The following CNTNAP2 variants were observed in gnomAD, a reference collection of about 807,000 sequenced individuals.
The protein encoded by CNTNAP2 is contactin-associated protein-like 2.
CNTNAP2 carries 98 observed loss-of-function variants against 155.2 expected under a neutral mutation model. That is an observed-to-expected ratio of 0.63 (90% CI 0.54 to 0.75). The LOEUF is 0.75. Ranked by LOEUF, CNTNAP2 falls within the 30% of genes least tolerant of loss-of-function variation. The pLI is 0.00. For missense variants in CNTNAP2, 1,727 were observed against 1,688.1 expected, an observed-to-expected ratio of 1.02 and a Z score of -0.40; for synonymous variants, 651 against 631.2, an observed-to-expected ratio of 1.03 and a Z score of -0.47.
intron 17 of CNTNAP2, among the ~76,000 whole-genome samples, chr7:148,151,969 GC>G: frequency 6.6e-6 from 1 of 152,176 alleles, no homozygotes; most frequent in South Asian, 2.1e-4. Flanking sequence ...TGACAGAATG[GC>G]CCAAGAGCTC....
chr7:148,177,560 A>T (rs934261278), intron 18 of CNTNAP2, among the ~76,000 whole-genome samples: 1 of 152,232 alleles, frequency 6.6e-6, no homozygotes, highest in African/African-American at 2.4e-5. Context: ...CTTAACAAGG[A>T]TAGCAGCTGG....
intron 14 of CNTNAP2, among the ~76,000 whole-genome samples, chr7:147,911,765 T>C (rs1208312866): frequency 1.3e-5 from 2 of 152,234 alleles, no homozygotes; most frequent in African/African-American, 4.8e-5. Context: ...TTTGCCTATT[T>C]TGTAGCATGT....
intron 4 of CNTNAP2, among the ~76,000 whole-genome samples, chr7:147,083,603 TA>T (rs1314257125): frequency 1.4e-5 from 2 of 145,850 alleles, no homozygotes; most frequent in African/African-American, 5.0e-5. Flanking sequence ...CACACGTCTA[TA>T]ATGCTATATA....
chr7:147,602,210 A>T (rs1800962128), intron 12 of CNTNAP2, among the ~76,000 whole-genome samples: 1 of 152,044 alleles, frequency 6.6e-6, no homozygotes, highest in Non-Finnish European at 1.5e-5. Flanking sequence ...GTTGAACTAG[A>T]TGATTATCCT....
In CNTNAP2 at chr7:148,339,974, AGTGTGTGTGTGTGT is replaced by A. The variant is rs10603520; in HGVS notation, c.3476-43652_3476-43639del. ...AGAATCTGAGAGTGCTCCTTCGTGC[AGTGTGTGTGTGTGT>A]GTGTGTGTGTGTGTGTGTGTGTAGG... On this transcript the variant is annotated intron_variant, in intron 21 of 23. Transcript: ENST00000361727. Among the ~76,000 whole-genome samples, 16 of 144,882 alleles carry A rather than the reference AGTGTGTGTGTGTGT, an allele frequency of 1.1e-4. No individual in the cohort carries two copies. In the South Asian group the frequency reaches 1.6e-3, roughly 15 times the overall value.
chr7:147,150,644 C>G lies in CNTNAP2; in HGVS notation c.1348+18135C>G, dbSNP rs543091491. On this transcript the variant is annotated intron_variant, in intron 8 of 23. Coordinates refer to ENST00000361727, the MANE Select transcript of CNTNAP2 (RefSeq NM_014141.6). ...TAGATAGAGAAAACCTAGGCTAATG[C>G]TCTTTGAAAACTGAAAAATATTGTT... Among the ~76,000 whole-genome samples the G allele has an allele frequency of 3.7e-3, 568 of 152,232 alleles. 3 individuals carry two copies. The highest frequency in any genetic ancestry group is 0.024 in the South Asian group (116 of 4,826).
At chr7:148,311,617 G>A (rs774986843) in intron 21 of CNTNAP2, among the ~76,000 whole-genome samples, 13 of 152,094 alleles carry the variant, frequency 8.5e-5, no homozygotes, top group Non-Finnish European at 1.3e-4. Flanking sequence ...AGGGAAGGGA[G>A]GGGGCCTGAA....
chr7:146,561,011 C>A lies in CNTNAP2; in HGVS notation c.98-213260C>A, dbSNP rs562034441. 2.0e-5 allele frequency among the ~76,000 whole-genome samples: 3 copies of A among 152,300 alleles called. No individual in the cohort carries two copies. The South Asian group carries it at 6.2e-4, about 32-fold the overall frequency. On this transcript the variant is annotated intron_variant, in intron 1 of 23. Transcript: ENST00000361727. ...AGTGAAACCTTCCTTAAGCTCACAACTCTAGTGTCAATTATATATTATAAA... is the reference window on the plus strand; with the variant it reads ...AGTGAAACCTTCCTTAAGCTCACAAATCTAGTGTCAATTATATATTATAAA...
intron 1 of CNTNAP2, among the ~76,000 whole-genome samples, chr7:146,677,380 CAG>C (rs1800419023): frequency 6.6e-6 from 1 of 152,136 alleles, no homozygotes; most frequent in Non-Finnish European, 1.5e-5. Flanking sequence ...TAGCAGGATT[CAG>C]AGAGAATAGA....
At chr7:147,175,982 G>T (rs1448982275) in intron 8 of CNTNAP2, among the ~76,000 whole-genome samples, 2 of 152,062 alleles carry the variant, frequency 1.3e-5, no homozygotes, top group Non-Finnish European at 2.9e-5. Context: ...TCAAATACTG[G>T]CAGTTACCTG....
chr7:147,189,299 A>G (rs1802631418), intron 8 of CNTNAP2, among the ~76,000 whole-genome samples: 2 of 152,162 alleles, frequency 1.3e-5, no homozygotes, highest in South Asian at 2.1e-4. Flanking sequence ...TTACGTTTTG[A>G]CTTCTTTCCA....
At chr7:146,428,064 A>G (rs1055043739) in intron 1 of CNTNAP2, among the ~76,000 whole-genome samples, 1 of 152,218 alleles carries the variant, frequency 6.6e-6, no homozygotes, top group Non-Finnish European at 1.5e-5. Context: ...CCTGCAAAGG[A>G]CATAGTCTCG....
intron 1 of CNTNAP2, among the ~76,000 whole-genome samples, chr7:146,627,686 G>T (rs1292609566): frequency 6.6e-6 from 1 of 151,910 alleles, no homozygotes; most frequent in Non-Finnish European, 1.5e-5. Context: ...TTATTTTAGG[G>T]CATTATCAAT....
At chr7:147,590,336 G>A (rs191238253) in intron 12 of CNTNAP2, among the ~76,000 whole-genome samples, 109 of 152,116 alleles carry the variant, frequency 7.2e-4, no homozygotes, top group African/African-American at 2.2e-3. Flanking sequence ...ATGCATCAAG[G>A]GCGGAAGCAG....
chr7:148,132,051 G>A (rs1804841939), intron 16 of CNTNAP2, among the ~76,000 whole-genome samples: 1 of 152,112 alleles, frequency 6.6e-6, no homozygotes, highest in African/African-American at 2.4e-5. Flanking sequence ...CTGGCCAACT[G>A]GATGTCAACT....
At chr7:146,377,634 C>CT (rs1335805121) in intron 1 of CNTNAP2, among the ~76,000 whole-genome samples, 1 of 152,144 alleles carries the variant, frequency 6.6e-6, no homozygotes, top group African/African-American at 2.4e-5. Context: ...ACTTGATCAA[C>CT]TTTTTATCTT....
intron 14 of CNTNAP2, among the ~76,000 whole-genome samples, chr7:147,965,201 G>A (rs1205208018): frequency 6.6e-6 from 1 of 152,056 alleles, no homozygotes; most frequent in Non-Finnish European, 1.5e-5. Flanking sequence ...TTCATCTTCT[G>A]GACAAAGTTC....
At position 147,847,957 on chromosome 7, in the gene CNTNAP2, C is replaced by T. The variant is rs1341364306; in HGVS notation, c.2099-55608C>T. On this transcript the variant is annotated intron_variant, in intron 13 of 23. Transcript: ENST00000361727. ...CTTGAGGAGGCAGTCTGCCCGTTCT[C>T]AGATCGCCAGCTGCGTGCTGGGAGA... 3.0e-5 allele frequency among the ~76,000 whole-genome samples: 4 copies of T among 133,558 alleles called. No individual in the cohort carries two copies. In the Admixed American group the frequency reaches 3.3e-4, roughly 11 times the overall value. The allele number at this position is 133,558 out of a possible 152,430, so 87.6% of individuals were successfully genotyped here.
intron 1 of CNTNAP2, among the ~76,000 whole-genome samples, chr7:146,297,295 G>A (rs1051005048): frequency 2.6e-4 from 39 of 151,796 alleles, no homozygotes; most frequent in South Asian, 2.3e-3. Context: ...AGATACCTTC[G>A]TTTTTTTCAA....
Sources: allele counts gnomAD v4.1 joint callset (sites outside exome capture counted in the v4.1 genomes callset), GRCh38; gene constraint gnomAD v4.1.1; transcripts MANE v1.5; gene names NCBI Gene and HGNC (gene_info 2026-07-23, HGNC 2026-07-21).